The following KIF1A variants were observed in gnomAD, a reference collection of about 807,000 sequenced individuals.
The protein encoded by KIF1A is kinesin-like protein KIF1A.
KIF1A carries 46 observed loss-of-function variants against 227.3 expected under a neutral mutation model. That is an observed-to-expected ratio of 0.20 (90% CI 0.16 to 0.26). The LOEUF is 0.26. Ranked by LOEUF, KIF1A falls within the 10% of genes least tolerant of loss-of-function variation. The pLI is 1.00. For synonymous variants in KIF1A, 1,022 were observed against 1,012.8 expected (o/e 1.01, Z -0.17); for missense variants, 1,683 against 2,485.9 (o/e 0.68, Z 6.87).
intron 44 of KIF1A, 109 bp downstream of exon 44, chr2:240,721,698 A>G: frequency 1.1e-6 from 1 of 890,482 alleles, no homozygotes; most frequent in South Asian, 1.4e-5. Flanking sequence ...TGTTCCTAGG[A>G]AACTCTTAAC....
intron 5 of KIF1A, 73 bp from the exon 6 acceptor site, chr2:240,786,586 G>T (rs2054780520): frequency 1.4e-6 from 2 of 1,433,098 alleles, no homozygotes; most frequent in African/African-American, 1.4e-5. Context: ...GGACCCCTGA[G>T]TGAGGGGGTA....
At chr2:240,741,152 C>T (rs986552495) in intron 35 of KIF1A, 117 bp downstream of exon 35, 9 of 680,610 alleles carry the variant, frequency 1.3e-5, no homozygotes, top group Admixed American at 2.3e-5. Flanking sequence ...GCAGTGAACA[C>T]CCGCTGGAAG....
At position 240,746,540 on chromosome 2, in the gene KIF1A, C is replaced by G. The variant is rs542348944; in HGVS notation, c.3064-363G>C. Among the ~76,000 whole-genome samples, 12 of 152,342 alleles carry G rather than the reference C, an allele frequency of 7.9e-5. No individual in the cohort carries two copies. In the South Asian group the frequency reaches 1.9e-3, roughly 24 times the overall value. Reference sequence around the variant, plus strand: ...CTCTCCCCTCCCCTTCTTGGGCATCCCCAATACTGACAGCCCCTCCAAGAG... The same window carrying G: ...CTCTCCCCTCCCCTTCTTGGGCATCGCCAATACTGACAGCCCCTCCAAGAG... On this transcript the variant is annotated intron_variant, in intron 29 of 48. Transcript: ENST00000498729.
intron 27 of KIF1A, among the ~76,000 whole-genome samples, chr2:240,753,782 A>G (rs896080334): frequency 1.3e-5 from 2 of 152,180 alleles, no homozygotes; most frequent in Non-Finnish European, 2.9e-5. Flanking sequence ...AGCACATTAG[A>G]ACGATGAAAT....
chr2:240,758,548 T>G lies in KIF1A; in HGVS notation c.2445-51A>C. 6.7e-7 allele frequency: 1 copy of G among 1,482,674 alleles called. No homozygotes were observed. Among genetic ancestry groups the G allele is most frequent in the South Asian group, 1.4e-5 (1 of 71,504 alleles). 91.8% of individuals were successfully genotyped at this position (1,482,674 alleles called of 1,614,324 possible). A position where few individuals can be genotyped will look rare whatever the true frequency, so the allele number is the denominator to read the frequency against. Reference sequence around the variant, plus strand: ...GGACCCAGGCCCAGCGCTCAGCAGCTGGCACCGCACACCCTTATCTCCTGG... The same window carrying G: ...GGACCCAGGCCCAGCGCTCAGCAGCGGGCACCGCACACCCTTATCTCCTGG... On this transcript the variant is annotated intron_variant, in intron 25 of 48. Transcript: ENST00000498729. This position sits in a 1 kb window ranked among gnomAD's most constrained non-coding sequence, Gnocchi z 5.2.
intron 27 of KIF1A, among the ~76,000 whole-genome samples, chr2:240,755,691 A>C (rs1047442036): frequency 2.2e-4 from 33 of 152,196 alleles, no homozygotes; most frequent in Non-Finnish European, 7.3e-5. Context: ...TAAAATCTCA[A>C]ATCCACAAAA....
chr2:240,786,574 G>A (rs1575632093), intron 5 of KIF1A, 61 bp from the exon 6 acceptor site: 1 of 1,499,246 alleles, frequency 6.7e-7, no homozygotes, highest in African/African-American at 1.6e-5. Context: ...CTGCCACTGG[G>A]GGGACCCCTG....
At position 240,786,435 on chromosome 2, in the gene KIF1A, C is replaced by G; in HGVS notation, c.508G>C (p.Glu170Gln). The change falls in exon 6 of 49, where the codon GAG becomes CAG. Residue 170 changes from glutamate (E) to glutamine (Q), a missense_variant. Physicochemically the swap from Glu to Gln is conservative, Grantham distance 29. Around this residue, in one of 12 missense-constraint regions of KIF1A, gnomAD observed 75 missense variants for 131.2 expected, o/e 0.57. Coordinates refer to ENST00000498729, the MANE Select transcript of KIF1A (RefSeq NM_001244008.2). ...PKNKGNLRVREHPLLGPYVED... is the reference protein window; with the variant it reads ...PKNKGNLRVRQHPLLGPYVED... ...ACGTAGGGCCCCAGCAGTGGGTGCTCCCTCACGCGAAGGTTGCCCTTGTTC... is the reference window on the plus strand; with the variant it reads ...ACGTAGGGCCCCAGCAGTGGGTGCTGCCTCACGCGAAGGTTGCCCTTGTTC... The G allele has an allele frequency of 6.2e-7, 1 of 1,613,644 alleles. No individual in the cohort carries two copies. Among genetic ancestry groups the G allele is most frequent in the Non-Finnish European group, 8.5e-7 (1 of 1,179,778 alleles).
intron 22 of KIF1A, 61 bp from the exon 23 acceptor site, chr2:240,762,873 C>A: frequency 1.4e-6 from 2 of 1,477,210 alleles, no homozygotes; most frequent in African/African-American, 1.4e-5. Flanking sequence ...TCTCACACTG[C>A]GCCTAGACAG....
At chr2:240,773,352 T>C in intron 12 of KIF1A, 96 bp from the exon 13 acceptor site, 1 of 1,495,696 alleles carries the variant, frequency 6.7e-7, no homozygotes, top group Non-Finnish European at 9.1e-7. Flanking sequence ...CCCAGCCTTT[T>C]GGGCTCAGCA....
intron 20 of KIF1A, 68 bp from the exon 21 acceptor site, chr2:240,763,414 G>A: frequency 7.0e-7 from 1 of 1,423,340 alleles, no homozygotes; most frequent in Admixed American, 2.5e-5. Flanking sequence ...TCTCAAGCGG[G>A]GAGGCGTGAG....
chr2:240,773,334 G>A (rs1164533903), intron 12 of KIF1A, 78 bp from the exon 13 acceptor site: 7 of 1,563,308 alleles, frequency 4.5e-6, no homozygotes, highest in Non-Finnish European at 6.1e-6. Context: ...CTAGAGCCCT[G>A]CCCAAGACCC....
chr2:240,801,288 T>C (rs1197459649), intron 1 of KIF1A, among the ~76,000 whole-genome samples: 1 of 146,386 alleles, frequency 6.8e-6, no homozygotes, highest in African/African-American at 2.6e-5. Context: ...AATGGAGAAT[T>C]TTTCCAGAGG....
rs1465374313 is a variant in KIF1A, at chr2:240,757,892, G to GC, written c.2583-299dup. On this transcript the variant is annotated intron_variant, in intron 26 of 48. Coordinates refer to ENST00000498729, the MANE Select transcript of KIF1A (RefSeq NM_001244008.2). This position sits in a 1 kb window ranked among gnomAD's most constrained non-coding sequence, Gnocchi z 6.2. ...GCCATATGAGGACCTCGAGAGTTTG[G>GC]CCACGTTGAGGCCTCAGAATACCAC... is the stretch of plus-strand genomic sequence containing the variant. Among the ~76,000 whole-genome samples the GC allele has an allele frequency of 6.6e-6, 1 of 152,182 alleles. No individual in the cohort carries two copies. The highest frequency in any genetic ancestry group is 6.5e-5 in the Admixed American group (1 of 15,286).
Position 240,740,844 on chromosome 2 carries a change from C to T in KIF1A, c.3749+425G>A, listed in dbSNP as rs2047873128. ...GCCCAGCTCCCAGCTGCCCCCAGGG[C>T]ACCAGGCAGACCCCCACTGGCCTCC... On this transcript the variant is annotated intron_variant, in intron 35 of 48. Transcript: ENST00000498729. The surrounding 1 kb of genome is among the most constrained non-coding windows in gnomAD (Gnocchi z 6.1). Among the ~76,000 whole-genome samples, 1 of 152,110 alleles carries T rather than the reference C, an allele frequency of 6.6e-6. No homozygotes were observed.
intron 37 of KIF1A, among the ~76,000 whole-genome samples, chr2:240,737,708 T>C (rs923653966): frequency 6.6e-6 from 1 of 151,938 alleles, no homozygotes; most frequent in Non-Finnish European, 1.5e-5. Context: ...GCACTGGGGG[T>C]GTCTGTCTGT....
chr2:240,775,802 C>T lies in KIF1A; in HGVS notation c.958+49G>A. ...CCTCAGTGGGGAAGAAGGGCACAGCCCAGGGTGGGATCAGAGCCCTGGGGA... is the reference window on the plus strand; with the variant it reads ...CCTCAGTGGGGAAGAAGGGCACAGCTCAGGGTGGGATCAGAGCCCTGGGGA... On this transcript the variant is annotated intron_variant, in intron 11 of 48. Coordinates refer to ENST00000498729, the MANE Select transcript of KIF1A (RefSeq NM_001244008.2). The surrounding 1 kb of genome is among the most constrained non-coding windows in gnomAD (Gnocchi z 5.5). The T allele has an allele frequency of 7.9e-7, 1 of 1,265,728 alleles. No homozygotes were observed. The highest frequency in any genetic ancestry group is 1.2e-6 in the Non-Finnish European group (1 of 862,122). 78.4% of individuals were successfully genotyped at this position (1,265,728 alleles called of 1,614,324 possible).
chr2:240,781,757 G>T (rs1007819276), intron 10 of KIF1A: 2 of 985,046 alleles, frequency 2.0e-6, no homozygotes, highest in Non-Finnish European at 2.4e-6. Context: ...TCCCCACACA[G>T]TTCCCCACAG....
At chr2:240,748,621 G>A (rs2048869679) in intron 28 of KIF1A, 2 of 247,054 alleles carry the variant, frequency 8.1e-6, no homozygotes, top group Non-Finnish European at 1.8e-5. Flanking sequence ...GGTGATAGGT[G>A]TTCCCAGCTT....
Sources: gnomAD v4.1 joint callset for allele counts (sites outside exome capture counted in the v4.1 genomes callset) on GRCh38, gnomAD v4.1.1 for gene constraint, gnomAD v4.1.1 regional missense constraint, Gnocchi (gnomAD v3.1) non-coding constraint, MANE v1.5 for transcripts, NCBI Gene and HGNC (gene_info 2026-07-23, HGNC 2026-07-21) for gene names.